LRP1B: variants seen among roughly 807,000 people sequenced by gnomAD.
LRP1B encodes the protein LDL receptor related protein 1B.
A neutral mutation model predicts 556.6 loss-of-function variants in LRP1B; 217 were observed. The observed-to-expected ratio is 0.39, with a 90% CI of 0.35 to 0.44. The LOEUF (loss-of-function observed/expected upper bound fraction) is 0.44, where lower values mean the gene tolerates loss of function less well. Ranked by LOEUF, LRP1B falls within the 20% of genes least tolerant of loss-of-function variation. LRP1B has a pLI of 1.00. For missense variants in LRP1B, 5,053 were observed against 5,620.8 expected (o/e 0.90, Z 3.23); for synonymous variants, 2,047 against 1,865.8 (o/e 1.10, Z -2.50).
rs558854209 is a variant in LRP1B, at chr2:140,822,085, A to C, written c.5210-8279T>G. Among the ~76,000 whole-genome samples, 8 of 152,292 alleles carry C rather than the reference A, an allele frequency of 5.3e-5. No individual in the cohort carries two copies. The South Asian group carries it at 1.5e-3, about 28-fold the overall frequency. ...ACAAGATTCCTAAGAATATCCATGA[A>C]GGGTAATGTTGATTGACAAGCCAAG... On this transcript the variant is annotated intron_variant, in intron 31 of 90. Transcript: ENST00000389484.
intron 79 of LRP1B, among the ~76,000 whole-genome samples, chr2:140,334,209 C>CTAA (rs1680959470): frequency 6.6e-6 from 1 of 151,928 alleles, no homozygotes; most frequent in South Asian, 2.1e-4. Context: ...TGAAATCCGA[C>CTAA]TAATAGCCTT....
rs1413614053 is a variant in LRP1B at position 140,232,323 on chromosome 2, C to T, written c.*863G>A. Reference sequence around the variant, plus strand: ...TGTAAGGGGTTGGGTTAATCTTCCACAAAATGGATGTGACTGGGAAGAAAT... The same window carrying T: ...TGTAAGGGGTTGGGTTAATCTTCCATAAAATGGATGTGACTGGGAAGAAAT... On this transcript the variant is annotated 3_prime_UTR_variant, in exon 91 of 91. Transcript: ENST00000389484. The T allele has an allele frequency of 6.6e-6, 1 of 151,198 alleles. No homozygotes were observed. The highest frequency in any genetic ancestry group is 1.5e-5 in the Non-Finnish European group (1 of 67,528). 9.4% of individuals were successfully genotyped at this position (151,198 alleles called of 1,614,324 possible).
At chr2:140,580,958 T>C (rs1205036651) in intron 43 of LRP1B, among the ~76,000 whole-genome samples, 1 of 152,198 alleles carries the variant, frequency 6.6e-6, no homozygotes, top group East Asian at 1.9e-4. Context: ...CAGCTGTCTA[T>C]GGTACACATG....
intron 3 of LRP1B, among the ~76,000 whole-genome samples, chr2:141,374,133 T>A (rs567578032): frequency 6.6e-6 from 1 of 152,150 alleles, no homozygotes; most frequent in Admixed American, 6.5e-5. Context: ...GGTATGTTTA[T>A]AGAGAAATAT....
chr2:142,009,875 G>A (rs1702902048), intron 1 of LRP1B, among the ~76,000 whole-genome samples: 1 of 151,720 alleles, frequency 6.6e-6, no homozygotes, highest in African/African-American at 2.4e-5. Flanking sequence ...ACAAGTGTAT[G>A]GATATATACA....
intron 1 of LRP1B, among the ~76,000 whole-genome samples, chr2:142,044,895 C>T (rs186589653): frequency 1.3e-5 from 2 of 151,808 alleles, no homozygotes; most frequent in Admixed American, 6.6e-5. Context: ...AATATCCATA[C>T]CTTGCTAAAT....
intron 3 of LRP1B, among the ~76,000 whole-genome samples, chr2:141,469,699 T>C (rs1682387386): frequency 6.6e-6 from 1 of 152,208 alleles, no homozygotes; most frequent in Admixed American, 6.5e-5. Flanking sequence ...GCTTTCTCTA[T>C]AGAATTTGTA....
intron 34 of LRP1B, 78 bp downstream of exon 34, chr2:140,770,803 G>C (rs2104938361): frequency 1.6e-6 from 2 of 1,218,574 alleles, no homozygotes; most frequent in South Asian, 4.0e-5. Context: ...AACTGACTTT[G>C]GTTGCCTAAC....
intron 72 of LRP1B, among the ~76,000 whole-genome samples, chr2:140,361,013 C>T (rs750699107): frequency 6.0e-5 from 9 of 151,242 alleles, no homozygotes; most frequent in Non-Finnish European, 1.3e-4. Context: ...TTAATTCTAG[C>T]TCATCGATGT....
intron 35 of LRP1B, among the ~76,000 whole-genome samples, chr2:140,724,153 G>A (rs192373474): frequency 2.9e-4 from 44 of 152,088 alleles, no homozygotes; most frequent in African/African-American, 8.7e-4. Flanking sequence ...AATAAGTTCC[G>A]GTAATCTTTT....
chr2:141,238,350 A>G (rs932127672), intron 5 of LRP1B, among the ~76,000 whole-genome samples: 29 of 152,312 alleles, frequency 1.9e-4, no homozygotes, highest in African/African-American at 6.5e-4. Context: ...GTATTGACTC[A>G]TTTGAAAATT....
intron 32 of LRP1B, among the ~76,000 whole-genome samples, chr2:140,808,373 A>T (rs1415239822): frequency 6.6e-6 from 1 of 152,218 alleles, no homozygotes; most frequent in Non-Finnish European, 1.5e-5. Flanking sequence ...ACATTTAAAA[A>T]ATAATATAAA....
At chr2:140,596,045 T>C (rs1388284618) in intron 43 of LRP1B, among the ~76,000 whole-genome samples, 2 of 152,194 alleles carry the variant, frequency 1.3e-5, no homozygotes, top group Non-Finnish European at 2.9e-5. Flanking sequence ...GCAATGGGTA[T>C]ATCTAAACAT....
At chr2:141,253,371 T>C (rs955649081) in intron 4 of LRP1B, among the ~76,000 whole-genome samples, 2 of 152,210 alleles carry the variant, frequency 1.3e-5, no homozygotes. Context: ...TGTGGTCAGA[T>C]TATGCAGTCT....
chr2:141,925,944 G>A (rs927261044), intron 1 of LRP1B, among the ~76,000 whole-genome samples: 1 of 152,068 alleles, frequency 6.6e-6, no homozygotes, highest in Non-Finnish European at 1.5e-5. Context: ...TGATGGGACA[G>A]TTGTGAAGAT....
chr2:141,195,697 T>C (rs1681721153), intron 6 of LRP1B, among the ~76,000 whole-genome samples: 1 of 152,068 alleles, frequency 6.6e-6, no homozygotes, highest in Admixed American at 6.6e-5. Context: ...AAATGAACCC[T>C]GAGAAATTTA....
intron 17 of LRP1B, among the ~76,000 whole-genome samples, chr2:140,983,126 A>T (rs1675790325): frequency 6.6e-6 from 1 of 152,064 alleles, no homozygotes; most frequent in African/African-American, 2.4e-5. Context: ...CTCTTCCCCC[A>T]GGCCTTTGGT....
intron 7 of LRP1B, among the ~76,000 whole-genome samples, chr2:141,142,909 A>G (rs767619421): frequency 6.9e-6 from 1 of 144,642 alleles, no homozygotes; most frequent in Non-Finnish European, 1.5e-5. Context: ...AGATTAACAA[A>G]TTGTCTGATT....
At chr2:140,312,435 C>CA (rs1043886715) in intron 83 of LRP1B, among the ~76,000 whole-genome samples, 47 of 151,798 alleles carry the variant, frequency 3.1e-4, no homozygotes, top group African/African-American at 1.1e-3. Context: ...TATAGCAGTA[C>CA]AAAAATACCA....
Sources: allele counts gnomAD v4.1 joint callset (sites outside exome capture counted in the v4.1 genomes callset), GRCh38; gene constraint gnomAD v4.1.1; transcripts MANE v1.5; gene names NCBI Gene and HGNC (gene_info 2026-07-23, HGNC 2026-07-21).